The following RIC8B variants were observed in gnomAD, a reference collection of about 807,000 sequenced individuals.
RIC8B encodes RIC8 guanine nucleotide exchange factor B.
A neutral mutation model predicts 57.5 loss-of-function variants in RIC8B; 16 were observed. The observed-to-expected ratio is 0.28, with a 90% confidence interval of 0.19 to 0.42. The LOEUF is 0.42. RIC8B is among the 10% of genes least tolerant of loss of function. RIC8B has a pLI of 1.00. For synonymous variants in RIC8B, 216 were observed against 250.8 expected (o/e 0.86, Z 1.31); for missense variants, 481 against 677.0 (o/e 0.71, Z 3.21).
intron 8 of RIC8B, chr12:106,868,270 G>A: frequency 2.2e-6 from 1 of 456,200 alleles, no homozygotes; most frequent in South Asian, 1.6e-5. Flanking sequence ...TATCCTAAAA[G>A]TGCCTACAGG....
intron 2 of RIC8B, among the ~76,000 whole-genome samples, chr12:106,794,233 A>G (rs1034492018): frequency 6.6e-6 from 1 of 152,238 alleles, no homozygotes; most frequent in Non-Finnish European, 1.5e-5. Flanking sequence ...AGCAAACCTG[A>G]AGACACAGCA....
intron 6 of RIC8B, among the ~76,000 whole-genome samples, chr12:106,849,374 A>C (rs1265851982): frequency 1.3e-5 from 2 of 149,732 alleles, no homozygotes; most frequent in African/African-American, 4.9e-5. Flanking sequence ...GCTGGTCTCG[A>C]GCTCCTGGTT....
intron 1 of RIC8B, among the ~76,000 whole-genome samples, chr12:106,778,767 G>T (rs550771331): frequency 6.6e-6 from 1 of 152,246 alleles, no homozygotes; most frequent in East Asian, 1.9e-4. Flanking sequence ...TTCTTTTTCA[G>T]GAGTGGTATA....
chr12:106,843,502 C>T (rs1480860381), intron 5 of RIC8B, among the ~76,000 whole-genome samples: 1 of 150,774 alleles, frequency 6.6e-6, no homozygotes, highest in African/African-American at 2.4e-5. Context: ...CCTCGTGGAT[C>T]ACGAGGTCAG....
chr12:106,816,411 T>G (rs1170668658), intron 3 of RIC8B, among the ~76,000 whole-genome samples: 2 of 152,216 alleles, frequency 1.3e-5, no homozygotes, highest in African/African-American at 4.8e-5. Context: ...ACAGCTGTTC[T>G]AGATGACTGT....
chr12:106,786,075 T>C (rs1400047035), intron 2 of RIC8B, among the ~76,000 whole-genome samples: 1 of 151,408 alleles, frequency 6.6e-6, no homozygotes, highest in Non-Finnish European at 1.5e-5. Context: ...TCAAGGGATC[T>C]TCCCACTTTG....
At chr12:106,780,874 G>T (rs143321375) in intron 1 of RIC8B, among the ~76,000 whole-genome samples, 1 of 152,198 alleles carries the variant, frequency 6.6e-6, no homozygotes, top group East Asian at 1.9e-4. Context: ...GAACACTACT[G>T]TGTGCAAGGT....
rs552111078 is a variant in RIC8B at position 106,815,841 on chromosome 12, A to G, written c.741+537A>G. On this transcript the variant is annotated intron_variant, in intron 3 of 9. Transcript: ENST00000392837. ...ATCAGAGGCATAGGACCACAACTAG[A>G]TATCTGTGCTCATATATAAGTTCTA... 5.3e-5 allele frequency among the ~76,000 whole-genome samples: 8 copies of G among 152,304 alleles called. No homozygotes were observed. The South Asian group carries it at 1.7e-3, about 32-fold the overall frequency.
chr12:106,836,676 TC>T (rs2046614965), intron 4 of RIC8B, among the ~76,000 whole-genome samples: 1 of 152,218 alleles, frequency 6.6e-6, no homozygotes, highest in East Asian at 1.9e-4. Flanking sequence ...CTAACTATTC[TC>T]CCTTACCTTT....
At chr12:106,834,819 TAAAAATACAA>T (rs1051544940) in intron 4 of RIC8B, among the ~76,000 whole-genome samples, 1 of 151,166 alleles carries the variant, frequency 6.6e-6, no homozygotes, top group African/African-American at 2.4e-5. Flanking sequence ...CCGTCTCTAT[TAAAAATACAA>T]AAAAATCAGC....
chr12:106,832,439 C>CT (rs1247580703), intron 4 of RIC8B, among the ~76,000 whole-genome samples: 1 of 151,896 alleles, frequency 6.6e-6, no homozygotes, highest in Non-Finnish European at 1.5e-5. Flanking sequence ...GGGTGGTGGG[C>CT]ACCTGTAGTC....
chr12:106,825,213 G>T (rs1328921730), intron 3 of RIC8B, among the ~76,000 whole-genome samples: 1 of 152,172 alleles, frequency 6.6e-6, no homozygotes, highest in East Asian at 1.9e-4. Context: ...CACTGCCAAT[G>T]AGTAAACATT....
chr12:106,814,587 T>C, intron 2 of RIC8B, 109 bp from the exon 3 acceptor site: 1 of 1,181,022 alleles, frequency 8.5e-7, no homozygotes, highest in East Asian at 2.4e-5. Flanking sequence ...AATAAAAACC[T>C]TTTCTCTCTG....
intron 9 of RIC8B, among the ~76,000 whole-genome samples, chr12:106,873,451 T>A (rs905184163): frequency 6.6e-6 from 1 of 152,228 alleles, no homozygotes; most frequent in African/African-American, 2.4e-5. Context: ...TCATTCTTTA[T>A]GCGTCTTACA....
intron 2 of RIC8B, among the ~76,000 whole-genome samples, chr12:106,803,214 T>TTAAAAAA (rs758690591): frequency 1.2e-5 from 1 of 84,276 alleles, no homozygotes; most frequent in East Asian, 3.7e-4. Context: ...ATACCCTGTC[T>TTAAAAAA]CAAAAAAAAA....
chr12:106,804,459 G>A (rs113025033), intron 2 of RIC8B, among the ~76,000 whole-genome samples: 2,193 of 152,174 alleles, frequency 0.014, 31 homozygotes, highest in Admixed American at 0.019. Flanking sequence ...CAAGTGATCC[G>A]CCCGCCTTGG....
intron 1 of RIC8B, among the ~76,000 whole-genome samples, chr12:106,779,385 C>T (rs368278683): frequency 6.6e-6 from 1 of 152,072 alleles, no homozygotes; most frequent in African/African-American, 2.4e-5. Context: ...ATGTGTGCCA[C>T]CATGCCTGGC....
chr12:106,884,692 G>A (rs766451530), intron 9 of RIC8B, among the ~76,000 whole-genome samples: 1 of 152,140 alleles, frequency 6.6e-6, no homozygotes, highest in African/African-American at 2.4e-5. Flanking sequence ...TGTCTACTGA[G>A]CTAGCCAGAG....
At chr12:106,878,475 T>C (rs2136651865) in intron 9 of RIC8B, among the ~76,000 whole-genome samples, 1 of 152,298 alleles carries the variant, frequency 6.6e-6, no homozygotes, top group East Asian at 1.9e-4. Flanking sequence ...TTCTCAGGGC[T>C]ATCACAGGCT....
Sources: gnomAD v4.1 joint callset for allele counts (sites outside exome capture counted in the v4.1 genomes callset) on GRCh38, gnomAD v4.1.1 for gene constraint, MANE v1.5 for transcripts, NCBI Gene and HGNC (gene_info 2026-07-23, HGNC 2026-07-21) for gene names.